The following PRKG2 variants were observed in gnomAD, a reference collection of about 807,000 sequenced individuals.
The protein encoded by PRKG2 is protein kinase cGMP-dependent 2.
A neutral mutation model predicts 97.2 loss-of-function variants in PRKG2; 33 were observed. The ratio of observed to expected loss-of-function variants is 0.34; its 90% CI spans 0.26 to 0.45. PRKG2 has a LOEUF of 0.45. Among genes scored for constraint, PRKG2 ranks in the 20% least tolerant of loss-of-function variants. The pLI is 1.00. For missense variants in PRKG2, 638 were observed against 900.0 expected (o/e 0.71, Z 3.73); for synonymous variants, 330 against 321.8 (o/e 1.03, Z -0.27).
At chr4:81,198,117 C>A (rs17005089) in intron 2 of PRKG2, among the ~76,000 whole-genome samples, 6,580 of 152,284 alleles carry the variant, frequency 0.043, 491 homozygotes, top group African/African-American at 0.15. Flanking sequence ...AATTAGCCTT[C>A]AAATCCTCAG....
chr4:81,142,881 C>T lies in PRKG2; in HGVS notation c.1320G>A (p.Lys440=). 1 of 1,613,620 alleles carries T rather than the reference C, an allele frequency of 6.2e-7. No individual in the cohort carries two copies. The highest frequency in any genetic ancestry group is 1.7e-4 in the Middle Eastern group (1 of 6,060). The change falls in exon 11 of 19, where the codon AAG becomes AAA. Residue 440 remains lysine (K), a synonymous_variant. Coordinates refer to ENST00000264399, the MANE Select transcript of PRKG2 (RefSeq NM_006259.3). ...GGGATGATGAGGAAAATCTGGCCAC[C>T]TTCTCCTTCAGCTGAATCATTTCCA... ...LSLEMIQLKE[K]VARFSSSSPF...
At chr4:81,103,396 C>T (rs1743013112) in intron 17 of PRKG2, among the ~76,000 whole-genome samples, 1 of 151,194 alleles carries the variant, frequency 6.6e-6, no homozygotes, top group South Asian at 2.1e-4. Flanking sequence ...TGAAAAAGTA[C>T]ATGTCAGATT....
chr4:81,205,377 C>G (rs1330399096), intron 1 of PRKG2, among the ~76,000 whole-genome samples: 1 of 152,066 alleles, frequency 6.6e-6, no homozygotes, highest in African/African-American at 2.4e-5. Flanking sequence ...TGAACAGCTG[C>G]CAAAAGCATC....
intron 2 of PRKG2, among the ~76,000 whole-genome samples, chr4:81,189,281 A>G (rs1359070441): frequency 7.7e-6 from 1 of 129,054 alleles, no homozygotes; most frequent in East Asian, 2.4e-4. Flanking sequence ...CCATCCCTAG[A>G]ATGAGTTCTT....
chr4:81,167,247 T>G (rs753884889), intron 5 of PRKG2, 23 bp from the exon 6 acceptor site: 1 of 1,447,218 alleles, frequency 6.9e-7, no homozygotes, highest in Non-Finnish European at 9.5e-7. Flanking sequence ...AAAGAAACCT[T>G]CAATTACCTT....
intron 2 of PRKG2, among the ~76,000 whole-genome samples, chr4:81,188,196 T>C (rs1488284227): frequency 1.3e-5 from 2 of 151,484 alleles, no homozygotes; most frequent in African/African-American, 4.9e-5. Flanking sequence ...AACAACCCCA[T>C]CAAACAGTGG....
At chr4:81,164,685 G>C (rs1324102423) in intron 6 of PRKG2, among the ~76,000 whole-genome samples, 1 of 152,008 alleles carries the variant, frequency 6.6e-6, no homozygotes, top group Non-Finnish European at 1.5e-5. Context: ...AGTAAGTGTG[G>C]GGTGGTGCCT....
At position 81,152,019 on chromosome 4, in the gene PRKG2, T is replaced by C. The variant is rs777440113; in HGVS notation, c.1026A>G (p.Gln342=). The part of the protein sequence containing the change: ...KVTQSTEGHD[Q]PQLIKTLQKG... ...TCTGCAGTGTTTTTATCAGCTGTGG[T>C]TGATCATGGCCTTCTGTGCTCTGTG... Residue 342 remains glutamine, a synonymous_variant, in exon 8 of 19, where the codon CAA becomes CAG. Transcript: ENST00000264399. 16 of 1,613,370 alleles carry C rather than the reference T, an allele frequency of 9.9e-6. No homozygotes were observed. In the South Asian group the frequency reaches 1.4e-4, roughly 14 times the overall value.
chr4:81,099,143 C>A (rs988261677), intron 17 of PRKG2, among the ~76,000 whole-genome samples: 5 of 152,116 alleles, frequency 3.3e-5, no homozygotes, highest in Admixed American at 2.6e-4. Flanking sequence ...AGCTCTTAGA[C>A]ACAAGATAGC....
intron 14 of PRKG2, among the ~76,000 whole-genome samples, chr4:81,120,639 G>A (rs1744987591): frequency 6.6e-6 from 1 of 152,058 alleles, no homozygotes; most frequent in South Asian, 2.1e-4. Context: ...TTGCATGTTA[G>A]CCTTGTATCC....
rs369114865 is a variant in PRKG2 at position 81,100,956 on chromosome 4, T to A, written c.2126+3414A>T. 1.5e-4 allele frequency among the ~76,000 whole-genome samples: 23 copies of A among 151,796 alleles called. No homozygotes were observed. In the East Asian group the frequency reaches 1.9e-3, roughly 13 times the overall value. On this transcript the variant is annotated intron_variant, in intron 17 of 18. Transcript: ENST00000264399. ...AAGACATTTATGCAGCCAAAAGACA[T>A]ATGAAAAAATGCTCATCATCACTGG...
chr4:81,155,505 G>A (rs964961929), intron 6 of PRKG2, among the ~76,000 whole-genome samples: 13 of 152,080 alleles, frequency 8.5e-5, no homozygotes, highest in Non-Finnish European at 1.8e-4. Flanking sequence ...AAAACACTCT[G>A]CAGGATATTA....
rs1397130358 is a variant in PRKG2 at position 81,209,749 on chromosome 4, T to C, written c.-13-4689A>G. On this transcript the variant is annotated intron_variant, in intron 1 of 18. Transcript: ENST00000264399. ...GAATTTATCTTAGAGGAAAAACTTATTGAACTGAAAACATGTACTAAACCA... is the reference window on the plus strand; with the variant it reads ...GAATTTATCTTAGAGGAAAAACTTACTGAACTGAAAACATGTACTAAACCA... 3.9e-5 allele frequency among the ~76,000 whole-genome samples: 6 copies of C among 152,252 alleles called. No homozygotes were observed. In the East Asian group the frequency reaches 9.6e-4, roughly 24 times the overall value.
At chr4:81,200,559 G>T (rs1386478308) in intron 2 of PRKG2, among the ~76,000 whole-genome samples, 1 of 152,078 alleles carries the variant, frequency 6.6e-6, no homozygotes, top group Non-Finnish European at 1.5e-5. Context: ...CACATTTGTG[G>T]GTAGTTCTTA....
At chr4:81,181,341 T>C (rs1751390185) in intron 2 of PRKG2, among the ~76,000 whole-genome samples, 1 of 151,874 alleles carries the variant, frequency 6.6e-6, no homozygotes, top group African/African-American at 2.4e-5. Flanking sequence ...TATTTTGAAA[T>C]AAATAATAAA....
chr4:81,201,930 T>A (rs2110126419), intron 2 of PRKG2, among the ~76,000 whole-genome samples: 1 of 152,296 alleles, frequency 6.6e-6, no homozygotes, highest in South Asian at 2.1e-4. Flanking sequence ...ATGTGTATAT[T>A]AATAGAAACA....
At chr4:81,132,290 T>C (rs1359665692) in intron 14 of PRKG2, among the ~76,000 whole-genome samples, 1 of 152,182 alleles carries the variant, frequency 6.6e-6, no homozygotes, top group African/African-American at 2.4e-5. Flanking sequence ...AGTACCTCTT[T>C]GGTAGAGTCT....
At chr4:81,195,262 A>T (rs1274237450) in intron 2 of PRKG2, among the ~76,000 whole-genome samples, 1 of 152,152 alleles carries the variant, frequency 6.6e-6, no homozygotes, top group Non-Finnish European at 1.5e-5. Flanking sequence ...AATATAATAC[A>T]CAAGTGAGAA....
At chr4:81,096,730 C>T (rs183691237) in intron 17 of PRKG2, among the ~76,000 whole-genome samples, 1 of 152,304 alleles carries the variant, frequency 6.6e-6, no homozygotes, top group Admixed American at 6.5e-5. Flanking sequence ...AACTCCTCAT[C>T]TGTTCAAGTT....
Sources: gnomAD v4.1 joint callset for allele counts (sites outside exome capture counted in the v4.1 genomes callset) on GRCh38, gnomAD v4.1.1 for gene constraint, MANE v1.5 for transcripts, NCBI Gene and HGNC (gene_info 2026-07-23, HGNC 2026-07-21) for gene names.